SSBP3: variants seen among roughly 807,000 people sequenced by gnomAD.
SSBP3 encodes single stranded DNA binding protein 3.
Under a neutral mutation model 69.6 loss-of-function variants are expected in SSBP3, and 5 were observed. That is an observed-to-expected ratio of 0.07 (90% CI 0.04 to 0.15). SSBP3 has a LOEUF of 0.15. SSBP3 is among the 10% of genes least tolerant of loss of function. The probability of loss-of-function intolerance (pLI) is 1.00; values close to 1 mark genes in which losing one functional copy is unlikely to be tolerated. For missense variants in SSBP3, 312 were observed against 534.0 expected (o/e 0.58, Z 4.10); for synonymous variants, 196 against 193.4 (o/e 1.01, Z -0.11).
At chr1:54,253,366 A>T (rs528797293) in intron 7 of SSBP3, among the ~76,000 whole-genome samples, 2 of 150,968 alleles carry the variant, frequency 1.3e-5, no homozygotes, top group African/African-American at 4.9e-5. Flanking sequence ...TAATTTTTAA[A>T]TTTTTTGTAT....
chr1:54,395,789 A>G (rs564562801), intron 4 of SSBP3, among the ~76,000 whole-genome samples: 4 of 152,314 alleles, frequency 2.6e-5, no homozygotes, highest in Non-Finnish European at 5.9e-5. Context: ...AGTCCAAGCC[A>G]CCAGTCACAA....
intron 4 of SSBP3, among the ~76,000 whole-genome samples, chr1:54,342,960 G>A (rs1354669310): frequency 2.0e-5 from 3 of 152,174 alleles, no homozygotes; most frequent in Non-Finnish European, 2.9e-5. Context: ...AAAATACAGC[G>A]TATGGATCAT....
In SSBP3 at chr1:54,354,300, G is replaced by A. The variant is rs56753534; in HGVS notation, c.276+47561C>T. ...GGCACCTGCCACATGCAGGGCAGGTGGACAGACCAGCAATGACACGGTACA... is the reference window on the plus strand; with the variant it reads ...GGCACCTGCCACATGCAGGGCAGGTAGACAGACCAGCAATGACACGGTACA... On this transcript the variant is annotated intron_variant, in intron 4 of 17. Coordinates refer to ENST00000610401, the Ensembl canonical transcript of SSBP3. Among the ~76,000 whole-genome samples, 804 of 152,298 alleles carry A rather than the reference G, an allele frequency of 5.3e-3. 11 individuals are homozygous for A. The highest frequency in any genetic ancestry group is 0.019 in the African/African-American group (772 of 41,554).
chr1:54,257,030 C>A, intron 7 of SSBP3, 97 bp downstream of exon 7: 1 of 1,296,116 alleles, frequency 7.7e-7, no homozygotes, highest in South Asian at 1.4e-5. Flanking sequence ...CCCCTCCACC[C>A]CTCAATCCTT....
At chr1:54,325,069 A>G (rs1646276339) in intron 4 of SSBP3, among the ~76,000 whole-genome samples, 1 of 152,222 alleles carries the variant, frequency 6.6e-6, no homozygotes, top group African/African-American at 2.4e-5. Flanking sequence ...GGGTCTAAGA[A>G]TAAACAAACT....
At chr1:54,401,720 G>A in intron 4 of SSBP3, 141 bp downstream of exon 4, 1 of 650,382 alleles carries the variant, frequency 1.5e-6, no homozygotes, top group Non-Finnish European at 2.7e-6. Flanking sequence ...GAGGGCTGCA[G>A]AGAGGTGGGC....
intron 4 of SSBP3, among the ~76,000 whole-genome samples, chr1:54,394,428 A>G (rs114047486): frequency 0.012 from 1,895 of 151,862 alleles, 44 homozygotes; most frequent in African/African-American, 0.044. Flanking sequence ...TTAGAAAAAC[A>G]AGATCATTCC....
At chr1:54,341,247 T>A (rs1306302644) in intron 4 of SSBP3, among the ~76,000 whole-genome samples, 3 of 152,148 alleles carry the variant, frequency 2.0e-5, no homozygotes, top group African/African-American at 7.2e-5. Flanking sequence ...AGACAACATG[T>A]TGGCAGAGAC....
chr1:54,302,413 G>A (rs1260173937), intron 4 of SSBP3, among the ~76,000 whole-genome samples: 1 of 151,340 alleles, frequency 6.6e-6, no homozygotes, highest in Non-Finnish European at 1.5e-5. Flanking sequence ...CCCGGTTCAA[G>A]TGATTCTCCT....
Position 54,266,207 on chromosome 1 carries a change from T to C in SSBP3, c.367-8058A>G, listed in dbSNP as rs151100158. On this transcript the variant is annotated intron_variant, in intron 5 of 17. Coordinates refer to ENST00000610401, the Ensembl canonical transcript of SSBP3. ...CTCATTGGTTCCAGGTCCAACCTGC[T>C]TCAAAGTCTAGGCTGGGTCCCTCGC... Among the ~76,000 whole-genome samples the C allele has an allele frequency of 1.6e-4, 24 of 152,308 alleles. No homozygotes were observed. In the East Asian group the frequency reaches 4.2e-3, roughly 27 times the overall value.
At chr1:54,233,016 G>A (rs1644409013) in intron 14 of SSBP3, among the ~76,000 whole-genome samples, 1 of 151,978 alleles carries the variant, frequency 6.6e-6, no homozygotes, top group Non-Finnish European at 1.5e-5. Context: ...TCTGGGAAGT[G>A]AGGAGTGTCT....
chr1:54,259,724 A>G (rs1388740643), intron 5 of SSBP3, among the ~76,000 whole-genome samples: 2 of 152,224 alleles, frequency 1.3e-5, no homozygotes, highest in Non-Finnish European at 2.9e-5. Flanking sequence ...AGGTGTGCAG[A>G]GAACATCGCA....
intron 4 of SSBP3, among the ~76,000 whole-genome samples, chr1:54,354,691 C>G (rs1244443707): frequency 6.6e-6 from 1 of 152,108 alleles, no homozygotes; most frequent in Non-Finnish European, 1.5e-5. Context: ...ACTCCCCGCT[C>G]CCTCACAAAT....
At chr1:54,404,406 G>A (rs1649542329) in intron 3 of SSBP3, among the ~76,000 whole-genome samples, 170 bp downstream of exon 3, 3 of 152,106 alleles carry the variant, frequency 2.0e-5, no homozygotes, top group Admixed American at 1.3e-4. Context: ...ATCCTCTTCC[G>A]CCCTTCTCCT....
At chr1:54,333,080 G>A (rs560564875) in intron 4 of SSBP3, among the ~76,000 whole-genome samples, 17 of 152,278 alleles carry the variant, frequency 1.1e-4, no homozygotes, top group African/African-American at 3.8e-4. Flanking sequence ...CCTGTGGTCC[G>A]CAGGGACCAT....
In SSBP3 at chr1:54,251,602, C is replaced by T. The variant is rs1032766475; in HGVS notation, c.651+14G>A. 4.5e-6 allele frequency: 7 copies of T among 1,551,284 alleles called. No homozygotes were observed. The South Asian group carries it at 5.9e-5, about 13-fold the overall frequency. The stretch of plus-strand genomic sequence containing the variant: ...ATGGCCAGGGAGACGGACGGACAGA[C>T]AGGCGGTGGTTACCTGTGGGCCGGG... On this transcript the variant is annotated intron_variant, in intron 9 of 17. Coordinates refer to ENST00000610401, the Ensembl canonical transcript of SSBP3.
intron 1 of SSBP3, 24 bp downstream of exon 1, chr1:54,405,929 C>T: frequency 7.6e-7 from 1 of 1,311,158 alleles, no homozygotes; most frequent in Non-Finnish European, 9.9e-7. Flanking sequence ...GCGGCGCGGC[C>T]GCCACTTGCA....
intron 4 of SSBP3, among the ~76,000 whole-genome samples, chr1:54,369,029 G>A (rs1647076109): frequency 1.3e-5 from 2 of 152,210 alleles, no homozygotes; most frequent in South Asian, 2.1e-4. Context: ...AAAACAAGTA[G>A]ATGGCTCCAT....
chr1:54,362,797 C>T (rs1277398598), intron 4 of SSBP3, among the ~76,000 whole-genome samples: 1 of 152,196 alleles, frequency 6.6e-6, no homozygotes, highest in African/African-American at 2.4e-5. Context: ...CGCTAGACTG[C>T]CCTGGGGATT....
Sources: gnomAD v4.1 joint callset for allele counts (sites outside exome capture counted in the v4.1 genomes callset) on GRCh38, gnomAD v4.1.1 for gene constraint, MANE v1.5 for transcripts, NCBI Gene and HGNC (gene_info 2026-07-23, HGNC 2026-07-21) for gene names.